RFX3: variants seen among roughly 807,000 people sequenced by gnomAD.
RFX3 encodes transcription factor RFX3.
In RFX3, 14 loss-of-function variants were observed where a neutral mutation model predicts 98.6. The ratio of observed to expected loss-of-function variants is 0.14; its 90% confidence interval spans 0.09 to 0.22. RFX3 has a LOEUF of 0.22. Among genes scored for constraint, RFX3 ranks in the 10% least tolerant of loss-of-function variants. RFX3 has a pLI of 1.00. For synonymous variants in RFX3, 383 were observed against 328.4 expected, an observed-to-expected ratio of 1.17 and a Z score of -1.80; for missense variants, 639 against 926.9, an observed-to-expected ratio of 0.69 and a Z score of 4.03.
intron 1 of RFX3, among the ~76,000 whole-genome samples, chr9:3,465,346 A>C (rs1424322644): frequency 6.6e-6 from 1 of 151,990 alleles, no homozygotes; most frequent in Admixed American, 6.5e-5. Context: ...GCTGGAATGC[A>C]GTAGCATGAT....
intron 11 of RFX3, among the ~76,000 whole-genome samples, chr9:3,267,135 G>A (rs1023363525): frequency 3.3e-5 from 5 of 151,948 alleles, no homozygotes; most frequent in African/African-American, 1.2e-4. Flanking sequence ...GTAGGAGACA[G>A]AATACTTTCC....
intron 14 of RFX3, among the ~76,000 whole-genome samples, chr9:3,254,028 T>C (rs1442018551): frequency 1.3e-5 from 2 of 152,132 alleles, no homozygotes; most frequent in Admixed American, 1.3e-4. Context: ...CCCTGAACTG[T>C]AGGCCTTCAA....
At chr9:3,416,572 T>C (rs1194870752) in intron 1 of RFX3, among the ~76,000 whole-genome samples, 1 of 152,172 alleles carries the variant, frequency 6.6e-6, no homozygotes, top group Non-Finnish European at 1.5e-5. Flanking sequence ...CCCAATATGA[T>C]TCCAGTATGG....
intron 1 of RFX3, among the ~76,000 whole-genome samples, chr9:3,523,575 A>C (rs1233265091): frequency 6.6e-6 from 1 of 152,134 alleles, no homozygotes; most frequent in Non-Finnish European, 1.5e-5. Context: ...AAAAGTTCTC[A>C]GACACTGTAA....
At chr9:3,337,479 A>G (rs1833323525) in intron 3 of RFX3, among the ~76,000 whole-genome samples, 1 of 152,228 alleles carries the variant, frequency 6.6e-6, no homozygotes, top group East Asian at 1.9e-4. Flanking sequence ...TTAGGACTCA[A>G]ATAACCAGGT....
chr9:3,506,710 A>C (rs1411202147), intron 1 of RFX3, among the ~76,000 whole-genome samples: 1 of 151,846 alleles, frequency 6.6e-6, no homozygotes, highest in African/African-American at 2.4e-5. Context: ...AGAGAAATGT[A>C]TATATATAAA....
rs898457145 is a variant in RFX3, at chr9:3,219,006, T to C, written c.*6036A>G. On this transcript the variant is annotated 3_prime_UTR_variant, in exon 17 of 17. Transcript: ENST00000617270. ...AGTGAAGTTACTGATTGGTAAGCAC[T>C]ACAATTAACCTAATTAAAAGTTTAC... is the stretch of plus-strand genomic sequence containing the variant. The C allele has an allele frequency of 1.3e-5, 2 of 152,164 alleles. No homozygotes were observed. The highest frequency in any genetic ancestry group is 2.9e-5 in the Non-Finnish European group (2 of 68,026). The allele number at this position is 152,164 out of a possible 1,614,324, so 9.4% of individuals were successfully genotyped here.
chr9:3,516,883 A>G (rs1462873194), intron 1 of RFX3, among the ~76,000 whole-genome samples: 1 of 152,224 alleles, frequency 6.6e-6, no homozygotes, highest in Non-Finnish European at 1.5e-5. Context: ...CTCCGGCAGG[A>G]GCTCAAGCTG....
intron 2 of RFX3, among the ~76,000 whole-genome samples, 197 bp from the exon 3 acceptor site, chr9:3,346,961 T>G (rs1285257506): frequency 6.6e-6 from 1 of 152,232 alleles, no homozygotes; most frequent in African/African-American, 2.4e-5. Flanking sequence ...TTATGCTGAA[T>G]AAATTCTGTA....
At chr9:3,500,149 GGA>G (rs1389503313) in intron 1 of RFX3, among the ~76,000 whole-genome samples, 4 of 152,116 alleles carry the variant, frequency 2.6e-5, no homozygotes, top group African/African-American at 7.2e-5. Context: ...CAACAATAAA[GGA>G]GAGCTGAAGT....
Position 3,266,274 on chromosome 9 carries a change from T to A in RFX3, c.1389A>T (p.Ala463=). Residue 463 remains alanine (A), a synonymous_variant, in exon 12 of 17, where the codon GCA becomes GCT. Coordinates refer to ENST00000617270, the MANE Select transcript of RFX3 (RefSeq NM_001282116.2). ...SALTQAIRNF[A]KSLEGWLSNA... ...TGGAAAGCCAACCTTCAAGGCTTTT[T>A]GCAAAATTTCGAATGGCTTGGGTCA... The A allele has an allele frequency of 6.2e-7, 1 of 1,611,790 alleles. No individual in the cohort carries two copies. The highest frequency in any genetic ancestry group is 8.5e-7 in the Non-Finnish European group (1 of 1,178,512).
intron 15 of RFX3, among the ~76,000 whole-genome samples, chr9:3,234,187 G>C (rs1278230400): frequency 1.3e-5 from 2 of 151,772 alleles, no homozygotes; most frequent in East Asian, 3.9e-4. Flanking sequence ...CTAGAAGAGG[G>C]GCTGGCACAC....
intron 1 of RFX3, among the ~76,000 whole-genome samples, chr9:3,444,228 C>A (rs1253177528): frequency 6.6e-6 from 1 of 151,854 alleles, no homozygotes; most frequent in Non-Finnish European, 1.5e-5. Flanking sequence ...TACTACTCAT[C>A]AATAAAAAGG....
chr9:3,303,800 G>C (rs1828951118), intron 4 of RFX3, among the ~76,000 whole-genome samples: 1 of 152,094 alleles, frequency 6.6e-6, no homozygotes, highest in East Asian at 1.9e-4. Flanking sequence ...AAGGTGCAAG[G>C]AAATATGTGG....
At chr9:3,345,755 T>C (rs1480975839) in intron 3 of RFX3, among the ~76,000 whole-genome samples, 1 of 152,182 alleles carries the variant, frequency 6.6e-6, no homozygotes, top group East Asian at 1.9e-4. Context: ...TGAACTCACA[T>C]GTCATGCACA....
chr9:3,395,295 G>A (rs1840740865), intron 2 of RFX3, among the ~76,000 whole-genome samples, 177 bp downstream of exon 2: 2 of 152,178 alleles, frequency 1.3e-5, no homozygotes, highest in South Asian at 4.1e-4. Context: ...GCCTAGCACA[G>A]AAAGAACCTG....
chr9:3,421,644 G>C (rs1013069476), intron 1 of RFX3, among the ~76,000 whole-genome samples: 5 of 152,160 alleles, frequency 3.3e-5, no homozygotes, highest in African/African-American at 1.2e-4. Flanking sequence ...TGATGACACA[G>C]GTAGTATTAC....
At chr9:3,315,825 G>A (rs1277201549) in intron 4 of RFX3, among the ~76,000 whole-genome samples, 1 of 152,086 alleles carries the variant, frequency 6.6e-6, no homozygotes, top group African/African-American at 2.4e-5. Context: ...ACTAAATCAG[G>A]AAGAAGTTAA....
chr9:3,465,495 G>C lies in RFX3; in HGVS notation c.-9+60252C>G, dbSNP rs528810586. On this transcript the variant is annotated intron_variant, in intron 1 of 16. Coordinates refer to ENST00000617270, the MANE Select transcript of RFX3 (RefSeq NM_001282116.2). ...TTTTTTGTATTTTTAGTAGAGACAG[G>C]GTCTCACCATTTTAGCCAGCCTGGT... 4.8e-4 allele frequency among the ~76,000 whole-genome samples: 71 copies of C among 148,582 alleles called. No homozygotes were observed. In the East Asian group the frequency reaches 0.013, roughly 28 times the overall value.
Sources: allele counts gnomAD v4.1 joint callset (sites outside exome capture counted in the v4.1 genomes callset), GRCh38; gene constraint gnomAD v4.1.1; transcripts MANE v1.5; gene names NCBI Gene and HGNC (gene_info 2026-07-23, HGNC 2026-07-21).